WDCP: variants seen among roughly 807,000 people sequenced by gnomAD.
WDCP encodes the protein WD repeat and coiled coil containing, also known as WD repeat and coiled-coil-containing protein.
In WDCP, 19 loss-of-function variants were observed where a neutral mutation model predicts 41.6. That is an observed-to-expected ratio of 0.46 (90% CI 0.32 to 0.67). WDCP has a LOEUF of 0.67. WDCP is among the 30% of genes least tolerant of loss of function. WDCP has a pLI of 0.04. For synonymous variants in WDCP, 302 were observed against 320.8 expected (o/e 0.94, Z 0.63); for missense variants, 802 against 850.7 (o/e 0.94, Z 0.71).
At chr2:24,033,021 G>T in intron 2 of WDCP, 75 bp from the exon 3 acceptor site, 1 of 981,798 alleles carries the variant, frequency 1.0e-6, no homozygotes, top group Non-Finnish European at 1.6e-6. Context: ...AAAGGAATGT[G>T]TAAATAGTTT....
intron 1 of WDCP, among the ~76,000 whole-genome samples, chr2:24,043,540 A>G (rs904438196): frequency 2.0e-5 from 3 of 152,194 alleles, no homozygotes; most frequent in Admixed American, 6.5e-5. Flanking sequence ...CTACAAACAT[A>G]TATAAAGTGA....
chr2:24,037,449 G>A (rs751262920), intron 2 of WDCP, among the ~76,000 whole-genome samples: 51 of 151,996 alleles, frequency 3.4e-4, no homozygotes, highest in Non-Finnish European at 5.1e-4. Context: ...ATTTTTCCAC[G>A]TCATGCACCT....
At chr2:24,031,347 A>G (rs1337549945) in intron 3 of WDCP, among the ~76,000 whole-genome samples, 185 bp from the exon 4 acceptor site, 2 of 152,298 alleles carry the variant, frequency 1.3e-5, no homozygotes, top group Admixed American at 1.3e-4. Flanking sequence ...GTCAGGTAGG[A>G]GAAAAAGGGG....
At chr2:24,044,534 T>G (rs929983180) in intron 1 of WDCP, among the ~76,000 whole-genome samples, 4 of 152,154 alleles carry the variant, frequency 2.6e-5, no homozygotes, top group African/African-American at 9.7e-5. Flanking sequence ...CCCAAAGTGC[T>G]AGGATTACAG....
intron 1 of WDCP, among the ~76,000 whole-genome samples, chr2:24,042,298 G>A (rs1394039437): frequency 6.6e-6 from 1 of 152,114 alleles, no homozygotes; most frequent in Non-Finnish European, 1.5e-5. Context: ...AGCACTTTGG[G>A]AGGCCGAGGC....
intron 2 of WDCP, among the ~76,000 whole-genome samples, chr2:24,035,750 ATAGTTAAAAAAAAATTTTTTT>A (rs1230316829): frequency 1.3e-5 from 2 of 151,636 alleles, no homozygotes; most frequent in Non-Finnish European, 2.9e-5. Flanking sequence ...CCTTGTCTCT[ATAGTTAAAAAAAAATTTTTTT>A]TAATTAAAAA....
chr2:24,037,812 CA>C lies in WDCP; in HGVS notation c.1682del (p.Val561GlyfsTer51), dbSNP rs1401259714. 6.2e-7 allele frequency: 1 copy of C among 1,614,156 alleles called. No individual in the cohort carries two copies. The highest frequency in any genetic ancestry group is 1.1e-5 in the South Asian group (1 of 91,086). On this transcript the variant is annotated frameshift_variant, in exon 2 of 4. Coordinates refer to ENST00000295148, the MANE Select transcript of WDCP (RefSeq NM_025203.3). LOFTEE classifies it high-confidence loss of function. Reference protein sequence around the residue: ...EKETYQLSKEVEILSRNLVEM... With the variant: ...EKETYQLSKEXEILSRNLVEM... Reference sequence around the variant, plus strand: ...CAACCAGGTTCCTAGATAAAATTTCCACTTCCTTAGACAGCTGATAAGTTTC... The same window carrying C: ...CAACCAGGTTCCTAGATAAAATTTCCCTTCCTTAGACAGCTGATAAGTTTC...
chr2:24,036,676 A>C (rs1663266755), intron 2 of WDCP, among the ~76,000 whole-genome samples: 1 of 152,248 alleles, frequency 6.6e-6, no homozygotes, highest in African/African-American at 2.4e-5. Context: ...ACTAAAAACA[A>C]AGTGAATGTC....
intron 1 of WDCP, among the ~76,000 whole-genome samples, chr2:24,045,376 T>C (rs1573670609): frequency 6.9e-6 from 1 of 145,084 alleles, no homozygotes; most frequent in Non-Finnish European, 1.5e-5. Flanking sequence ...CTGAGGCAGG[T>C]GGATCATCTG....
rs766997555 is a variant in WDCP at position 24,038,674 on chromosome 2, G to A, written c.821C>T (p.Ser274Leu). The change falls in exon 2 of 4, where the codon TCA becomes TTA. Residue 274 changes from serine (S) to leucine (L), a missense_variant. By Grantham distance (145) the Ser-to-Leu change is moderately radical. Coordinates refer to ENST00000295148, the MANE Select transcript of WDCP (RefSeq NM_025203.3). Reference protein sequence around the residue: ...ATDSETNSEVSVSSSYLEPLD... With the variant: ...ATDSETNSEVLVSSSYLEPLD... ...AGGTTCTAAATAGGAAGAAGAAACT[G>A]ATACTTCAGAATTTGTTTCAGAATC... 6 of 1,614,168 alleles carry A rather than the reference G, an allele frequency of 3.7e-6. No individual in the cohort carries two copies. Among genetic ancestry groups the A allele is most frequent in the Non-Finnish European group, 4.2e-6 (5 of 1,180,004 alleles).
chr2:24,034,961 T>C (rs577736619), intron 2 of WDCP, among the ~76,000 whole-genome samples: 20 of 151,920 alleles, frequency 1.3e-4, no homozygotes, highest in African/African-American at 3.9e-4. Context: ...TATTATTGTT[T>C]GCAAGTAAAA....
At chr2:24,032,223 A>T (rs958240268) in intron 3 of WDCP, among the ~76,000 whole-genome samples, 68 of 152,176 alleles carry the variant, frequency 4.5e-4, no homozygotes, top group Middle Eastern at 3.4e-3. Flanking sequence ...CATTTTTTTT[A>T]AACTTGGCTG....
chr2:24,038,788 G>C lies in WDCP; in HGVS notation c.707C>G (p.Thr236Ser). The change falls in exon 2 of 4, where the codon ACC becomes AGC. Residue 236 changes from threonine to serine, a missense_variant. By Grantham distance (58) the Thr-to-Ser change is moderately conservative. Transcript: ENST00000295148. ...TTTACTGTTAGGTGGGATATTAAAG[G>C]TTTCAGATGCATTTAAGCCACAGAT... Reference protein sequence around the residue: ...DKICGLNASETFNIPPNSKDM... With the variant: ...DKICGLNASESFNIPPNSKDM... The C allele has an allele frequency of 6.8e-6, 11 of 1,614,172 alleles. 1 individual carries two copies. In the South Asian group the frequency reaches 1.2e-4, roughly 18 times the overall value.
Position 24,038,132 on chromosome 2 carries a change from A to G in WDCP, c.1363T>C (p.Leu455=), listed in dbSNP as rs1396161367. The change falls in exon 2 of 4, where the codon TTA becomes CTA. Residue 455 remains leucine (L), a synonymous_variant. Coordinates refer to ENST00000295148, the MANE Select transcript of WDCP (RefSeq NM_025203.3). ...QTTYSTFSAP[L]NKANRKKLIE... Reference sequence around the variant, plus strand: ...AACTTTTTTCTATTTGCTTTATTTAACGGAGCACTGAAAGTAGAGTAGGTA... The same window carrying G: ...AACTTTTTTCTATTTGCTTTATTTAGCGGAGCACTGAAAGTAGAGTAGGTA... 6.2e-7 allele frequency: 1 copy of G among 1,614,084 alleles called. No homozygotes were observed. The highest frequency in any genetic ancestry group is 2.2e-5 in the East Asian group (1 of 44,906).
At chr2:24,039,868 G>C (rs1231195047) in intron 1 of WDCP, among the ~76,000 whole-genome samples, 1 of 152,072 alleles carries the variant, frequency 6.6e-6, no homozygotes, top group Non-Finnish European at 1.5e-5. Flanking sequence ...CACAATCTCG[G>C]CGCACTTCAA....
intron 1 of WDCP, among the ~76,000 whole-genome samples, chr2:24,042,422 G>C (rs539023605): frequency 6.6e-6 from 1 of 151,738 alleles, no homozygotes; most frequent in Admixed American, 6.6e-5. Flanking sequence ...TGTAGTCCCA[G>C]CTACTCGGAA....
At chr2:24,043,290 G>A (rs1010114138) in intron 1 of WDCP, among the ~76,000 whole-genome samples, 9 of 152,054 alleles carry the variant, frequency 5.9e-5, no homozygotes, top group Non-Finnish European at 7.4e-5. Flanking sequence ...AAGCCAAGAT[G>A]GCACCACTGC....
In WDCP at chr2:24,038,215, A is replaced by G. The variant is rs778537054; in HGVS notation, c.1280T>C (p.Ile427Thr). Residue 427 changes from isoleucine to threonine, a missense_variant, in exon 2 of 4, where the codon ATT becomes ACT. Ile to Thr is a moderately conservative substitution (Grantham distance 89). Coordinates refer to ENST00000295148, the MANE Select transcript of WDCP (RefSeq NM_025203.3). Reference sequence around the variant, plus strand: ...TTCTTCCAACATTATTTCTCTAACAATCAAGCTAATGGCATACTGATCAGA... The same window carrying G: ...TTCTTCCAACATTATTTCTCTAACAGTCAAGCTAATGGCATACTGATCAGA... ...SKSDQYAISL[I>T]VREIMLEEEP... 2 of 1,614,170 alleles carry G rather than the reference A, an allele frequency of 1.2e-6. No homozygotes were observed. The highest frequency in any genetic ancestry group is 2.2e-5 in the South Asian group (2 of 91,088).
intron 1 of WDCP, among the ~76,000 whole-genome samples, chr2:24,042,535 C>CAAAAAAA (rs35044474): frequency 3.2e-5 from 2 of 61,580 alleles, no homozygotes; most frequent in Non-Finnish European, 5.9e-5. Flanking sequence ...TACTCCGTCT[C>CAAAAAAA]AAAAAAAAAA....
Sources: allele counts gnomAD v4.1 joint callset (sites outside exome capture counted in the v4.1 genomes callset), GRCh38; gene constraint gnomAD v4.1.1; transcripts MANE v1.5; gene names NCBI Gene and HGNC (gene_info 2026-07-23, HGNC 2026-07-21).